UST: variants seen among roughly 807,000 people sequenced by gnomAD.
UST encodes chondroitin sulfate 2-O-sulfotransferase.
A neutral mutation model predicts 45.6 loss-of-function variants in UST; 21 were observed. The observed-to-expected ratio is 0.46, with a 90% CI of 0.33 to 0.66. The LOEUF (loss-of-function observed/expected upper bound fraction) is 0.66, where lower values mean the gene tolerates loss of function less well. Ranked by LOEUF, UST falls within the 30% of genes least tolerant of loss-of-function variation. The probability of loss-of-function intolerance (pLI) is 0.02; values close to 1 mark genes in which losing one functional copy is unlikely to be tolerated. For missense variants in UST, 463 were observed against 512.4 expected (o/e 0.90, Z 0.93); for synonymous variants, 215 against 200.6 (o/e 1.07, Z -0.61).
At chr6:148,979,558 G>A (rs887699059) in intron 5 of UST, among the ~76,000 whole-genome samples, 1 of 152,186 alleles carries the variant, frequency 6.6e-6, no homozygotes, top group Non-Finnish European at 1.5e-5. Flanking sequence ...AGAAATCTTT[G>A]ACTAAGACCC....
chr6:149,025,840 G>A lies in UST; in HGVS notation c.937+4359G>A, dbSNP rs187262408. Among the ~76,000 whole-genome samples the A allele has an allele frequency of 3.6e-3, 546 of 151,736 alleles. 7 individuals carry two copies. Among genetic ancestry groups the A allele is most frequent in the African/African-American group, 0.013 (530 of 41,368 alleles). On this transcript the variant is annotated intron_variant, in intron 7 of 7. Coordinates refer to ENST00000367463, the MANE Select transcript of UST (RefSeq NM_005715.3). Reference sequence around the variant, plus strand: ...AGCCTGAGCAACATAGCAAAAGCTCGTCTCTACTAAAAATACAAAAAAAAA... The same window carrying A: ...AGCCTGAGCAACATAGCAAAAGCTCATCTCTACTAAAAATACAAAAAAAAA...
chr6:148,832,187 C>CTG (rs1777701551), intron 1 of UST, among the ~76,000 whole-genome samples: 1 of 152,166 alleles, frequency 6.6e-6, no homozygotes, highest in African/African-American at 2.4e-5. Context: ...GACAGGGTTT[C>CTG]GCCATGTTGG....
chr6:149,074,025 T>A lies in UST; in HGVS notation c.1130T>A (p.Phe377Tyr). ...AGCAAGCCCCCCCTGAGGCCACACT[T>A]CTTTATCCCAACTCCACTGGAAACC... ...HVSKPPLRPH[F>Y]FIPTPLETEE... The change falls in exon 8 of 8, where the codon TTC becomes TAC. Residue 377 changes from phenylalanine (F) to tyrosine (Y), a missense_variant. Physicochemically the swap from Phe to Tyr is conservative, Grantham distance 22. Coordinates refer to ENST00000367463, the MANE Select transcript of UST (RefSeq NM_005715.3). 4 of 1,614,158 alleles carry A rather than the reference T, an allele frequency of 2.5e-6. No individual in the cohort carries two copies. Among genetic ancestry groups the A allele is most frequent in the Non-Finnish European group, 2.5e-6 (3 of 1,180,010 alleles).
At chr6:148,754,412 G>C (rs1562557300) in intron 1 of UST, among the ~76,000 whole-genome samples, 1 of 152,108 alleles carries the variant, frequency 6.6e-6, no homozygotes, top group Non-Finnish European at 1.5e-5. Flanking sequence ...CGTCACCCAA[G>C]GAGTATACAC....
chr6:148,793,258 G>T (rs1340847488), intron 1 of UST, among the ~76,000 whole-genome samples: 4 of 149,778 alleles, frequency 2.7e-5, no homozygotes, highest in African/African-American at 4.9e-5. Context: ...CATTGAATAG[G>T]AGTTACTTTT....
chr6:148,771,250 ACT>A (rs1776419191), intron 1 of UST, among the ~76,000 whole-genome samples: 1 of 152,112 alleles, frequency 6.6e-6, no homozygotes, highest in African/African-American at 2.4e-5. Context: ...TTTGGAAATG[ACT>A]CTTTATTGAG....
At chr6:148,929,592 C>T (rs1779883944) in intron 2 of UST, among the ~76,000 whole-genome samples, 2 of 152,172 alleles carry the variant, frequency 1.3e-5, no homozygotes, top group African/African-American at 4.8e-5. Flanking sequence ...AGGCCTAAAA[C>T]CTCCATACCT....
At chr6:148,986,989 A>G (rs1197787637) in intron 5 of UST, among the ~76,000 whole-genome samples, 3 of 152,260 alleles carry the variant, frequency 2.0e-5, no homozygotes, top group Admixed American at 2.0e-4. Flanking sequence ...GGTAACATCT[A>G]CAAAATAATA....
In UST at chr6:148,932,187, C is replaced by G. The variant is rs530032645; in HGVS notation, c.292-9092C>G. 3.3e-5 allele frequency among the ~76,000 whole-genome samples: 5 copies of G among 152,278 alleles called. No homozygotes were observed. The South Asian group carries it at 1.0e-3, about 32-fold the overall frequency. On this transcript the variant is annotated intron_variant, in intron 2 of 7. Transcript: ENST00000367463. ...TTGAGGCCAGGAGTTCGAGACCAGC[C>G]TGGCCAACAGGGTGAAATCCTGTCT...
chr6:149,017,506 G>A (rs1462340349), intron 5 of UST, among the ~76,000 whole-genome samples: 3 of 151,974 alleles, frequency 2.0e-5, no homozygotes, highest in Non-Finnish European at 2.9e-5. Flanking sequence ...GCTTTCAATC[G>A]TGTGCTGTGT....
intron 1 of UST, among the ~76,000 whole-genome samples, chr6:148,761,310 C>G (rs1339422667): frequency 6.6e-6 from 1 of 152,180 alleles, no homozygotes; most frequent in Non-Finnish European, 1.5e-5. Flanking sequence ...TGCTCCGCCT[C>G]CCTCCATCTA....
intron 1 of UST, among the ~76,000 whole-genome samples, chr6:148,862,297 T>G (rs1416568975): frequency 6.6e-6 from 1 of 152,238 alleles, no homozygotes; most frequent in African/African-American, 2.4e-5. Flanking sequence ...AAAGTGTGTT[T>G]TATCAGAGAC....
chr6:148,845,840 G>GA, intron 1 of UST, among the ~76,000 whole-genome samples: 1 of 152,060 alleles, frequency 6.6e-6, no homozygotes, highest in African/African-American at 2.4e-5. Context: ...AAAAACACAT[G>GA]AAAAAATGCT....
intron 1 of UST, among the ~76,000 whole-genome samples, chr6:148,867,066 G>C (rs930320893): frequency 6.6e-6 from 1 of 152,026 alleles, no homozygotes. Flanking sequence ...TTCAGTCTTT[G>C]TGTCCTGAGA....
chr6:148,959,757 A>G (rs1033888208), intron 4 of UST, among the ~76,000 whole-genome samples: 1 of 152,086 alleles, frequency 6.6e-6, no homozygotes, highest in Non-Finnish European at 1.5e-5. Context: ...AGCTTCTCAC[A>G]GCAAATGTTT....
At chr6:149,043,021 TTTTCTTTC>T (rs71554434) in intron 7 of UST, among the ~76,000 whole-genome samples, 389 of 118,230 alleles carry the variant, frequency 3.3e-3, no homozygotes, top group African/African-American at 5.2e-3. Flanking sequence ...CTTTCTTTCT[TTTTCTTTC>T]TTTCTTTCTT....
At chr6:148,923,767 C>G (rs1779760489) in intron 2 of UST, among the ~76,000 whole-genome samples, 1 of 152,080 alleles carries the variant, frequency 6.6e-6, no homozygotes, top group Non-Finnish European at 1.5e-5. Context: ...TTTAGCCCCT[C>G]CCCACTCCTG....
At chr6:148,773,178 G>A (rs1241466165) in intron 1 of UST, among the ~76,000 whole-genome samples, 1 of 152,042 alleles carries the variant, frequency 6.6e-6, no homozygotes, top group Non-Finnish European at 1.5e-5. Flanking sequence ...GGTGATTGTT[G>A]GCCAGGTCTG....
rs193197521 is a variant in UST at position 148,911,192 on chromosome 6, C to T, written c.291+24163C>T. On this transcript the variant is annotated intron_variant, in intron 2 of 7. Coordinates refer to ENST00000367463, the MANE Select transcript of UST (RefSeq NM_005715.3). ...TTCTTATCATGAATTGCCCCAGGATCGTGTGTCTGAGAAGGTCACTCAGTC... is the reference window on the plus strand; with the variant it reads ...TTCTTATCATGAATTGCCCCAGGATTGTGTGTCTGAGAAGGTCACTCAGTC... 1.6e-3 allele frequency among the ~76,000 whole-genome samples: 250 copies of T among 152,270 alleles called. 1 individual carries two copies. The highest frequency in any genetic ancestry group is 5.6e-3 in the African/African-American group (233 of 41,568).
Sources: gnomAD v4.1 joint callset for allele counts (sites outside exome capture counted in the v4.1 genomes callset) on GRCh38, gnomAD v4.1.1 for gene constraint, MANE v1.5 for transcripts, NCBI Gene and HGNC (gene_info 2026-07-23, HGNC 2026-07-21) for gene names.